Variants in PHLDB2 observed in about 807,000 individuals in gnomAD.
The protein encoded by PHLDB2 is pleckstrin homology-like domain family B member 2.
A neutral mutation model predicts 123.6 loss-of-function variants in PHLDB2; 71 were observed. The observed-to-expected ratio is 0.57, with a 90% CI of 0.47 to 0.70. The LOEUF (loss-of-function observed/expected upper bound fraction) is 0.70, where lower values mean the gene tolerates loss of function less well. Among genes scored for constraint, PHLDB2 ranks in the 30% least tolerant of loss-of-function variants. The probability of loss-of-function intolerance (pLI) is 0.00; values close to 1 mark genes in which losing one functional copy is unlikely to be tolerated. For missense variants in PHLDB2, 1,446 were observed against 1,519.5 expected, an observed-to-expected ratio of 0.95 and a Z score of 0.80; for synonymous variants, 547 against 541.6, an observed-to-expected ratio of 1.01 and a Z score of -0.14.
chr3:111,895,798 G>A (rs1351384481), intron 2 of PHLDB2, among the ~76,000 whole-genome samples: 3 of 151,998 alleles, frequency 2.0e-5, no homozygotes, highest in African/African-American at 4.8e-5. Flanking sequence ...GCAGTGAGCC[G>A]AGATCGAGCC....
chr3:111,901,142 G>A (rs1048008356), intron 2 of PHLDB2, among the ~76,000 whole-genome samples: 15 of 152,008 alleles, frequency 9.9e-5, no homozygotes, highest in African/African-American at 2.2e-4. Context: ...GGCGAATCAC[G>A]AGGTCAGGAG....
chr3:111,914,054 T>C (rs2068029751), intron 3 of PHLDB2: 2 of 242,880 alleles, frequency 8.2e-6, no homozygotes, highest in Non-Finnish European at 1.6e-5. Flanking sequence ...CTATCTGTTA[T>C]AGGCATAGAC....
At chr3:111,885,707 A>G (rs1230332355) in intron 2 of PHLDB2, 1 of 617,256 alleles carries the variant, frequency 1.6e-6, no homozygotes, top group African/African-American at 1.8e-5. Context: ...ATTTTATGAA[A>G]TTTCTGAGTC....
chr3:111,935,545 G>A (rs373384213), intron 6 of PHLDB2, among the ~76,000 whole-genome samples: 1 of 99,106 alleles, frequency 1.0e-5, no homozygotes, highest in South Asian at 3.6e-4. Flanking sequence ...ATAGATAGAA[G>A]GGGAGTTCAT....
chr3:111,942,531 G>A lies in PHLDB2; in HGVS notation c.2397+1886G>A, dbSNP rs117596019. ...CTGAGGTTGAACAAGGGAGCATCCC[G>A]CCTTCTTGTTTTCTCTCTCATACTG... On this transcript the variant is annotated intron_variant, in intron 8 of 17. Coordinates refer to ENST00000431670, the MANE Select transcript of PHLDB2 (RefSeq NM_001134438.2). Among the ~76,000 whole-genome samples the A allele has an allele frequency of 3.9e-4, 59 of 152,280 alleles. No homozygotes were observed. In the East Asian group the frequency reaches 0.01, roughly 26 times the overall value.
intron 1 of PHLDB2, among the ~76,000 whole-genome samples, chr3:111,796,184 C>T (rs1205866550): frequency 6.6e-6 from 1 of 152,202 alleles, no homozygotes; most frequent in East Asian, 1.9e-4. Flanking sequence ...AGGCATGAGC[C>T]ACCACATCCA....
intron 13 of PHLDB2, among the ~76,000 whole-genome samples, chr3:111,963,138 C>G (rs1034529904): frequency 7.9e-5 from 12 of 152,042 alleles, no homozygotes; most frequent in African/African-American, 2.7e-4. Flanking sequence ...ATAAATCTGG[C>G]CATGGTGCTC....
chr3:111,853,236 C>T (rs2064338676), intron 2 of PHLDB2, among the ~76,000 whole-genome samples: 1 of 152,114 alleles, frequency 6.6e-6, no homozygotes, highest in Non-Finnish European at 1.5e-5. Context: ...TAATGGTAAG[C>T]TTGACTCTGG....
At chr3:111,791,539 G>A (rs1162485297) in intron 1 of PHLDB2, among the ~76,000 whole-genome samples, 1 of 152,180 alleles carries the variant, frequency 6.6e-6, no homozygotes, top group Non-Finnish European at 1.5e-5. Flanking sequence ...TTCCAGAGTT[G>A]TTGTACCAAC....
chr3:111,890,391 G>A (rs1472061333), intron 2 of PHLDB2, among the ~76,000 whole-genome samples: 2 of 152,140 alleles, frequency 1.3e-5, no homozygotes, highest in African/African-American at 4.8e-5. Flanking sequence ...GATGTGTCTG[G>A]GCATCCAGCC....
rs2068000084 is a variant in PHLDB2 at position 111,913,376 on chromosome 3, A to C, written c.1393A>C (p.Ser465Arg). ...SLCAEYTKPDSRLSTGTTVED... is the reference protein window; with the variant it reads ...SLCAEYTKPDRRLSTGTTVED... ...CTGTGCTGAATACACAAAGCCTGAC[A>C]GTCGCTTATCTACTGGGACCACCGT... The change falls in exon 3 of 18, where the codon AGT (serine) becomes CGT (arginine). Residue 465 changes from serine to arginine, a missense_variant. Ser to Arg is a moderately radical substitution (Grantham distance 110). Around this residue, in one of 3 missense-constraint regions of PHLDB2, gnomAD observed 832 missense variants for 831.9 expected, o/e 1.00. Coordinates refer to ENST00000431670, the MANE Select transcript of PHLDB2 (RefSeq NM_001134438.2). 2 of 1,613,744 alleles carry C rather than the reference A, an allele frequency of 1.2e-6. No individual in the cohort carries two copies. The highest frequency in any genetic ancestry group is 8.5e-7 in the Non-Finnish European group (1 of 1,179,820).
intron 1 of PHLDB2, among the ~76,000 whole-genome samples, chr3:111,869,626 G>A (rs1025577687): frequency 1.3e-5 from 2 of 152,116 alleles, no homozygotes; most frequent in African/African-American, 4.8e-5. Flanking sequence ...GAATTCTGAA[G>A]AGTCCCCATT....
intron 8 of PHLDB2, among the ~76,000 whole-genome samples, chr3:111,943,883 T>A (rs1029129953): frequency 6.6e-6 from 1 of 152,212 alleles, no homozygotes; most frequent in Non-Finnish European, 1.5e-5. Flanking sequence ...ATTTACACAA[T>A]ATAAATGAAA....
At chr3:111,974,330 G>A (rs187655242) in intron 17 of PHLDB2, 93 bp from the exon 18 acceptor site, 559 of 1,195,486 alleles carry the variant, frequency 4.7e-4, no homozygotes, top group Non-Finnish European at 5.7e-4. Context: ...TTAATAAATT[G>A]AAAATTTTGA....
intron 1 of PHLDB2, among the ~76,000 whole-genome samples, chr3:111,811,262 A>G (rs1416008244): frequency 6.6e-6 from 1 of 152,200 alleles, no homozygotes; most frequent in African/African-American, 2.4e-5. Flanking sequence ...ACCTTTCAGG[A>G]CTTGGTGTTT....
At chr3:111,893,091 A>AC (rs1553746090) in intron 2 of PHLDB2, among the ~76,000 whole-genome samples, 160 of 90,170 alleles carry the variant, frequency 1.8e-3, no homozygotes, top group African/African-American at 5.2e-3. Context: ...GTGAGTCCTG[A>AC]CCACCCCCCC....
chr3:111,962,240 A>C lies in PHLDB2; in HGVS notation c.3005A>C (p.Asp1002Ala). ...CACAGCTACAAGGACCAGGCCTTTG[A>C]TACTCTGAGCCTCGATAGCTCTGAT... ...PDHSYKDQAF[D>A]TLSLDSSDSM... Residue 1002 changes from aspartate (D) to alanine (A), a missense_variant, in exon 13 of 18, where the codon GAT (aspartate) becomes GCT (alanine). Transcript: ENST00000431670. 6.3e-7 allele frequency: 1 copy of C among 1,580,234 alleles called. No individual in the cohort carries two copies. The highest frequency in any genetic ancestry group is 8.5e-7 in the Non-Finnish European group (1 of 1,170,908).
At position 111,884,436 on chromosome 3, in the gene PHLDB2, G is replaced by T; in HGVS notation, c.359G>T (p.Gly120Val). The change falls in exon 2 of 18, where the codon GGA becomes GTA. Residue 120 changes from glycine to valine, a missense_variant. Gly to Val is a moderately radical substitution (Grantham distance 109, BLOSUM62 -3). Around this residue, in one of 3 missense-constraint regions of PHLDB2, gnomAD observed 832 missense variants for 831.9 expected, o/e 1.00. Transcript: ENST00000431670. Reference sequence around the variant, plus strand: ...CTCAACACTACATCCTCCCTCAGTGGATATCCACTTGGAAGAGCAGACTTT... The same window carrying T: ...CTCAACACTACATCCTCCCTCAGTGTATATCCACTTGGAAGAGCAGACTTT... ...PLLNTTSSLS[G>V]YPLGRADFDH... 4 of 1,614,120 alleles carry T rather than the reference G, an allele frequency of 2.5e-6. No individual in the cohort carries two copies. The highest frequency in any genetic ancestry group is 3.4e-6 in the Non-Finnish European group (4 of 1,180,020).
At chr3:111,747,232 A>G (rs984289115) in intron 1 of PHLDB2, among the ~76,000 whole-genome samples, 7 of 152,180 alleles carry the variant, frequency 4.6e-5, no homozygotes, top group African/African-American at 1.7e-4. Flanking sequence ...TATTATTTAG[A>G]AGAAAAGTAT....
Sources: allele counts gnomAD v4.1 joint callset (sites outside exome capture counted in the v4.1 genomes callset), GRCh38; gene constraint gnomAD v4.1.1; regional missense constraint gnomAD v4.1.1; transcripts MANE v1.5; gene names NCBI Gene and HGNC (gene_info 2026-07-23, HGNC 2026-07-21).